The following RAP1GDS1 variants were observed in gnomAD, a reference collection of about 807,000 sequenced individuals.
RAP1GDS1 encodes RAP1, GTP-GDP dissociation stimulator 1.
Under a neutral mutation model 71.1 loss-of-function variants are expected in RAP1GDS1, and 35 were observed. The ratio of observed to expected loss-of-function variants is 0.49; its 90% confidence interval spans 0.38 to 0.65. The LOEUF (loss-of-function observed/expected upper bound fraction) is 0.65, where lower values mean the gene tolerates loss of function less well. Ranked by LOEUF, RAP1GDS1 falls within the 30% of genes least tolerant of loss-of-function variation. The pLI is 0.00. For missense variants in RAP1GDS1, 663 were observed against 706.1 expected, an observed-to-expected ratio of 0.94 and a Z score of 0.69; for synonymous variants, 229 against 243.1, an observed-to-expected ratio of 0.94 and a Z score of 0.54.
chr4:98,321,298 G>A (rs1731842778), intron 2 of RAP1GDS1, among the ~76,000 whole-genome samples: 1 of 149,486 alleles, frequency 6.7e-6, no homozygotes, highest in South Asian at 2.2e-4. Flanking sequence ...CGTCTGATTG[G>A]TGTACCTGAA....
rs186843174 is a variant in RAP1GDS1 at position 98,312,315 on chromosome 4, C to G, written c.112+18800C>G. Among the ~76,000 whole-genome samples the G allele has an allele frequency of 5.6e-3, 853 of 152,262 alleles. 35 individuals are homozygous for G. Among genetic ancestry groups the G allele is most frequent in the Non-Finnish European group, 1.4e-3 (96 of 68,006 alleles). On this transcript the variant is annotated intron_variant, in intron 2 of 14. Transcript: ENST00000408927. The stretch of plus-strand genomic sequence containing the variant: ...TCATTCTTTATGAGGGGATCTGTTT[C>G]ATTTTTTCATAGCCCTAAGACTGGA...
At chr4:98,348,509 A>G (rs1736654012) in intron 3 of RAP1GDS1, among the ~76,000 whole-genome samples, 1 of 152,164 alleles carries the variant, frequency 6.6e-6, no homozygotes, top group Non-Finnish European at 1.5e-5. Flanking sequence ...GTCAAATGGT[A>G]TTTCTAGTTC....
intron 2 of RAP1GDS1, among the ~76,000 whole-genome samples, chr4:98,294,924 A>G (rs1578335832): frequency 6.6e-6 from 1 of 152,134 alleles, no homozygotes; most frequent in African/African-American, 2.4e-5. Context: ...TTTTATTATA[A>G]CCTTCGTCTG....
chr4:98,370,365 A>G (rs1740188135), intron 4 of RAP1GDS1, among the ~76,000 whole-genome samples: 2 of 152,200 alleles, frequency 1.3e-5, no homozygotes, highest in African/African-American at 2.4e-5. Flanking sequence ...TAATGTTACC[A>G]TGTAAATCTA....
rs1266300771 is a variant in RAP1GDS1 at position 98,347,460 on chromosome 4, G to A, written c.235+4199G>A. ...TTATTTTTATTGATATTGAAATAGA[G>A]CAGTACCTATTCCTTAAACCTCTGT... On this transcript the variant is annotated intron_variant, in intron 3 of 14. Coordinates refer to ENST00000408927, the MANE Select transcript of RAP1GDS1 (RefSeq NM_001100427.2). Among the ~76,000 whole-genome samples the A allele has an allele frequency of 2.0e-5, 3 of 152,078 alleles. 1 individual carries two copies. Among genetic ancestry groups the A allele is most frequent in the Non-Finnish European group, 4.4e-5 (3 of 68,020 alleles).
Position 98,392,093 on chromosome 4 carries a change from C to T in RAP1GDS1, c.637+13C>T, listed in dbSNP as rs375107613. ...TTAGCAGAACTTGGTAAGTCTTAGT[C>T]ATGAACCACAAATGTAATTAACTTA... is the stretch of plus-strand genomic sequence containing the variant. On this transcript the variant is annotated intron_variant, in intron 6 of 14. Coordinates refer to ENST00000408927, the MANE Select transcript of RAP1GDS1 (RefSeq NM_001100427.2). 1 of 1,602,308 alleles carries T rather than the reference C, an allele frequency of 6.2e-7. No homozygotes were observed. The highest frequency in any genetic ancestry group is 8.5e-7 in the Non-Finnish European group (1 of 1,173,858).
chr4:98,409,151 T>G (rs1380692733), intron 7 of RAP1GDS1: 1 of 152,168 alleles, frequency 6.6e-6, no homozygotes, highest in African/African-American at 2.4e-5. Context: ...TTTTTTTAAA[T>G]CAGAATTTTG....
chr4:98,314,630 A>T (rs1029010731), intron 2 of RAP1GDS1, among the ~76,000 whole-genome samples: 7 of 152,314 alleles, frequency 4.6e-5, no homozygotes, highest in Admixed American at 3.9e-4. Context: ...AGTTCTATTC[A>T]ACTAGCATTA....
At position 98,436,932 on chromosome 4, in the gene RAP1GDS1, A is replaced by AT. The variant is rs11386407; in HGVS notation, c.1568-5dup. On this transcript the variant is annotated splice_region_variant and splice_polypyrimidine_tract_variant and intron_variant, in intron 13 of 14. Transcript: ENST00000408927. ...GTACGCAGTAGATATACTTTGTTTT[A>AT]TTTGTAGGCACTGCTGAGAAAGATC... 164,832 of 1,594,494 alleles carry AT rather than the reference A, an allele frequency of 0.1. 10,951 individuals carry two copies. The highest frequency in any genetic ancestry group is 0.31 in the African/African-American group (22,657 of 74,132).
chr4:98,434,500 A>G (rs1281933754), intron 13 of RAP1GDS1, among the ~76,000 whole-genome samples: 6 of 150,908 alleles, frequency 4.0e-5, no homozygotes, highest in African/African-American at 1.2e-4. Flanking sequence ...CGTGACTTCT[A>G]TTGCCTTACT....
At position 98,261,577 on chromosome 4, in the gene RAP1GDS1, A is replaced by C; in HGVS notation, c.4+8A>C. On this transcript the variant is annotated splice_region_variant and intron_variant, in intron 1 of 14. Coordinates refer to ENST00000408927, the MANE Select transcript of RAP1GDS1 (RefSeq NM_001100427.2). The stretch of plus-strand genomic sequence containing the variant: ...CCTCGGGGAGCAACATGGGTAAGTC[A>C]TCCTTCCTCCGCCGTCATCGCCTGA... 6.2e-7 allele frequency: 1 copy of C among 1,600,040 alleles called. No individual in the cohort carries two copies. The highest frequency in any genetic ancestry group is 8.5e-7 in the Non-Finnish European group (1 of 1,172,072).
intron 2 of RAP1GDS1, among the ~76,000 whole-genome samples, chr4:98,311,100 C>T (rs986903738): frequency 6.6e-6 from 1 of 152,058 alleles, no homozygotes; most frequent in African/African-American, 2.4e-5. Context: ...TAGAGGATGC[C>T]AATATGCTAA....
In RAP1GDS1 at chr4:98,418,740, G is replaced by T. The variant is rs749773935; in HGVS notation, c.1123G>T (p.Val375Leu). Residue 375 changes from valine (V) to leucine (L), a missense_variant, in exon 10 of 15, where the codon GTA (valine) becomes TTA (leucine). Physicochemically the swap from Val to Leu is conservative, Grantham distance 32. Transcript: ENST00000408927. ...LLDRHVEDGN[V>L]TVQHAALSAL... The stretch of plus-strand genomic sequence containing the variant: ...GGACAGACATGTAGAAGATGGAAAT[G>T]TAACAGTACAGCATGCAGCACTAAG... 1 of 1,612,672 alleles carries T rather than the reference G, an allele frequency of 6.2e-7. No individual in the cohort carries two copies. Among genetic ancestry groups the T allele is most frequent in the Non-Finnish European group, 8.5e-7 (1 of 1,179,394 alleles).
At chr4:98,429,379 A>G (rs951166113) in intron 12 of RAP1GDS1, among the ~76,000 whole-genome samples, 6 of 152,152 alleles carry the variant, frequency 3.9e-5, no homozygotes, top group Non-Finnish European at 5.9e-5. Flanking sequence ...ATTGGAGACT[A>G]TTATTCTGAC....
chr4:98,262,956 T>C (rs1722237597), intron 1 of RAP1GDS1, among the ~76,000 whole-genome samples: 1 of 152,220 alleles, frequency 6.6e-6, no homozygotes, highest in African/African-American at 2.4e-5. Context: ...TTTTTCTTTT[T>C]AACGTGAGTA....
chr4:98,428,474 G>A (rs1749934605), intron 12 of RAP1GDS1, among the ~76,000 whole-genome samples: 1 of 152,034 alleles, frequency 6.6e-6, no homozygotes, highest in Non-Finnish European at 1.5e-5. Flanking sequence ...CTAATATCCA[G>A]AATCTACAAT....
intron 1 of RAP1GDS1, among the ~76,000 whole-genome samples, chr4:98,285,055 A>G (rs1161823423): frequency 6.6e-6 from 1 of 152,180 alleles, no homozygotes; most frequent in African/African-American, 2.4e-5. Flanking sequence ...CATAGAATCT[A>G]TGAGCGTAAT....
intron 4 of RAP1GDS1, among the ~76,000 whole-genome samples, chr4:98,364,027 T>G (rs1477827662): frequency 6.6e-6 from 1 of 152,114 alleles, no homozygotes; most frequent in Non-Finnish European, 1.5e-5. Context: ...TTCTGGGTTT[T>G]TCCGTCATTG....
intron 4 of RAP1GDS1, among the ~76,000 whole-genome samples, 162 bp downstream of exon 4, chr4:98,352,763 G>A (rs997308449): frequency 7.2e-5 from 11 of 152,146 alleles, no homozygotes; most frequent in Non-Finnish European, 1.3e-4. Context: ...GATTCAGGTC[G>A]TTGTATTCTT....
Sources: allele counts gnomAD v4.1 joint callset (sites outside exome capture counted in the v4.1 genomes callset), GRCh38; gene constraint gnomAD v4.1.1; transcripts MANE v1.5; gene names NCBI Gene and HGNC (gene_info 2026-07-23, HGNC 2026-07-21).